NPAS3: variants seen among roughly 807,000 people sequenced by gnomAD.
NPAS3 encodes the protein neuronal PAS domain-containing protein 3.
A neutral mutation model predicts 73.1 loss-of-function variants in NPAS3; 14 were observed. That is an observed-to-expected ratio of 0.19 (90% confidence interval 0.13 to 0.30). The LOEUF is 0.30. Ranked by LOEUF, NPAS3 falls within the 10% of genes least tolerant of loss-of-function variation. The probability of loss-of-function intolerance (pLI) is 1.00; values close to 1 mark genes in which losing one functional copy is unlikely to be tolerated. For synonymous variants in NPAS3, 620 were observed against 541.5 expected (o/e 1.14, Z -2.01); for missense variants, 1,096 against 1,250.0 (o/e 0.88, Z 1.86).
At chr14:33,168,814 T>C (rs1003004534) in intron 2 of NPAS3, among the ~76,000 whole-genome samples, 5 of 152,202 alleles carry the variant, frequency 3.3e-5, no homozygotes, top group Admixed American at 2.6e-4. Flanking sequence ...ATGATTTTTC[T>C]GTAACCTTTA....
At chr14:32,946,585 C>T (rs1039424688) in intron 1 of NPAS3, among the ~76,000 whole-genome samples, 7 of 152,002 alleles carry the variant, frequency 4.6e-5, no homozygotes, top group African/African-American at 7.3e-5. Context: ...TTTATCTTTA[C>T]GTTTTTGGAT....
intron 4 of NPAS3, among the ~76,000 whole-genome samples, chr14:33,410,010 A>G (rs115057344): frequency 1.3e-5 from 2 of 152,190 alleles, no homozygotes; most frequent in Admixed American, 6.6e-5. Flanking sequence ...CCCTCTTTGT[A>G]GCTCTAACAT....
intron 6 of NPAS3, among the ~76,000 whole-genome samples, chr14:33,689,009 T>C (rs17101709): frequency 0.095 from 14,516 of 152,290 alleles, 785 homozygotes; most frequent in South Asian, 0.15. Context: ...ACCCTAATAA[T>C]TGAGAGTTAC....
At chr14:33,109,523 A>G (rs934137233) in intron 2 of NPAS3, among the ~76,000 whole-genome samples, 8 of 152,142 alleles carry the variant, frequency 5.3e-5, no homozygotes, top group African/African-American at 1.4e-4. Flanking sequence ...GGAAATACTG[A>G]CTCAAGTGTA....
chr14:33,585,155 G>C (rs998992457), intron 5 of NPAS3, among the ~76,000 whole-genome samples: 1 of 152,012 alleles, frequency 6.6e-6, no homozygotes, highest in Non-Finnish European at 1.5e-5. Context: ...ACTGTCATAG[G>C]AGAGACCCGA....
chr14:33,679,862 A>G (rs968182504), intron 6 of NPAS3, among the ~76,000 whole-genome samples: 1 of 152,218 alleles, frequency 6.6e-6, no homozygotes, highest in African/African-American at 2.4e-5. Flanking sequence ...CATTGATTGT[A>G]CAGCAAACCC....
At chr14:33,582,025 C>T (rs770451111) in intron 5 of NPAS3, 4 of 152,072 alleles carry the variant, frequency 2.6e-5, no homozygotes, top group Non-Finnish European at 4.4e-5. Context: ...TGTATTTATC[C>T]TGTCAAATAT....
At chr14:33,795,006 G>C (rs991873482) in intron 10 of NPAS3, among the ~76,000 whole-genome samples, 3 of 152,184 alleles carry the variant, frequency 2.0e-5, no homozygotes, top group Admixed American at 6.5e-5. Context: ...GGTGCCCTTT[G>C]GCTGATAATT....
chr14:33,561,636 A>G (rs184051574), intron 5 of NPAS3, among the ~76,000 whole-genome samples: 10 of 152,350 alleles, frequency 6.6e-5, no homozygotes, highest in Admixed American at 2.6e-4. Flanking sequence ...AGAATCTTCA[A>G]TTTTGAAATC....
At chr14:33,495,742 T>C (rs962980223) in intron 4 of NPAS3, among the ~76,000 whole-genome samples, 2 of 151,888 alleles carry the variant, frequency 1.3e-5, no homozygotes, top group Non-Finnish European at 2.9e-5. Flanking sequence ...CTTCTTTGTC[T>C]TTTTTTTAAT....
At chr14:33,596,195 C>T (rs1237477811) in intron 5 of NPAS3, among the ~76,000 whole-genome samples, 2 of 152,188 alleles carry the variant, frequency 1.3e-5, no homozygotes, top group Non-Finnish European at 2.9e-5. Flanking sequence ...CAGAGTGTAG[C>T]TTGCAGCCCA....
chr14:33,746,428 C>G (rs2061799115), intron 7 of NPAS3, among the ~76,000 whole-genome samples: 1 of 151,238 alleles, frequency 6.6e-6, no homozygotes, highest in South Asian at 2.1e-4. Flanking sequence ...ACCTCATGAT[C>G]CGCCCACCTC....
At chr14:32,935,679 T>C (rs1170967879), upstream of NPAS3, among the ~76,000 whole-genome samples, 1 of 152,240 alleles carries the variant, frequency 6.6e-6, no homozygotes, top group Admixed American at 6.5e-5. Context: ...TGTAGTTCTC[T>C]TAAACGTATT....
chr14:33,476,408 A>T (rs1425249718), intron 4 of NPAS3, among the ~76,000 whole-genome samples: 1 of 152,178 alleles, frequency 6.6e-6, no homozygotes, highest in Non-Finnish European at 1.5e-5. Flanking sequence ...ATTTGATTTC[A>T]TAAATTAACT....
intron 4 of NPAS3, among the ~76,000 whole-genome samples, chr14:33,426,588 G>A (rs552702806): frequency 1.3e-5 from 2 of 151,946 alleles, no homozygotes; most frequent in Admixed American, 1.3e-4. Context: ...TATCATGAGC[G>A]AGGATACTTA....
At chr14:33,431,065 T>C (rs190567228) in intron 4 of NPAS3, among the ~76,000 whole-genome samples, 1 of 152,324 alleles carries the variant, frequency 6.6e-6, no homozygotes, top group East Asian at 1.9e-4. Context: ...AAAATGCACG[T>C]GGGAAATGCA....
At chr14:33,052,001 C>T (rs1395232403) in intron 1 of NPAS3, among the ~76,000 whole-genome samples, 1 of 152,188 alleles carries the variant, frequency 6.6e-6, no homozygotes, top group Non-Finnish European at 1.5e-5. Flanking sequence ...CCTCATGATC[C>T]ACCCACCTTG....
intron 2 of NPAS3, among the ~76,000 whole-genome samples, chr14:33,165,973 T>C (rs1439176031): frequency 1.3e-5 from 2 of 152,192 alleles, no homozygotes; most frequent in Non-Finnish European, 2.9e-5. Context: ...TGTCCTGCCT[T>C]CTTTAGCCAC....
intron 3 of NPAS3, among the ~76,000 whole-genome samples, chr14:33,256,493 A>AC (rs2048785807): frequency 6.6e-6 from 1 of 152,172 alleles, no homozygotes; most frequent in East Asian, 1.9e-4. Flanking sequence ...TTTAAGATCT[A>AC]CCCCAAGCAT....
Sources: gnomAD v4.1 joint callset for allele counts (sites outside exome capture counted in the v4.1 genomes callset) on GRCh38, gnomAD v4.1.1 for gene constraint, MANE v1.5 for transcripts, NCBI Gene and HGNC (gene_info 2026-07-23, HGNC 2026-07-21) for gene names.